Variants in ERBB4 observed in about 807,000 individuals in gnomAD.
ERBB4 encodes the protein receptor tyrosine-protein kinase erbB-4.
In ERBB4, 42 loss-of-function variants were observed where a neutral mutation model predicts 158.0. The ratio of observed to expected loss-of-function variants is 0.27; its 90% CI spans 0.21 to 0.34. The LOEUF (loss-of-function observed/expected upper bound fraction) is 0.34, where lower values mean the gene tolerates loss of function less well. Ranked by LOEUF, ERBB4 falls within the 10% of genes least tolerant of loss-of-function variation. The probability of loss-of-function intolerance (pLI) is 1.00; values close to 1 mark genes in which losing one functional copy is unlikely to be tolerated. For missense variants in ERBB4, 1,333 were observed against 1,624.1 expected (o/e 0.82, Z 3.08); for synonymous variants, 583 against 558.7 (o/e 1.04, Z -0.61).
intron 17 of ERBB4, among the ~76,000 whole-genome samples, chr2:211,629,509 C>A: frequency 6.6e-6 from 1 of 152,144 alleles, no homozygotes; most frequent in South Asian, 2.1e-4. Context: ...CCCCATCAAG[C>A]TACCAATGAC....
chr2:212,103,197 C>T lies in ERBB4; in HGVS notation c.234+21555G>A, dbSNP rs538218373. On this transcript the variant is annotated intron_variant, in intron 2 of 27. Transcript: ENST00000342788. Reference sequence around the variant, plus strand: ...CTCCTGCCCCAAAGAGTTACACATTCTGCTACTTTTGCTTGGGGCATTTGT... The same window carrying T: ...CTCCTGCCCCAAAGAGTTACACATTTTGCTACTTTTGCTTGGGGCATTTGT... Among the ~76,000 whole-genome samples, 551 of 152,196 alleles carry T rather than the reference C, an allele frequency of 3.6e-3. 3 individuals carry two copies. Among genetic ancestry groups the T allele is most frequent in the Non-Finnish European group, 5.0e-3 (340 of 67,974 alleles).
At chr2:211,634,028 A>G (rs1391264830) in intron 16 of ERBB4, among the ~76,000 whole-genome samples, 1 of 152,140 alleles carries the variant, frequency 6.6e-6, no homozygotes, top group Admixed American at 6.5e-5. Context: ...GCGTGGTGGC[A>G]TGCACCTGTA....
chr2:212,354,489 A>G (rs1301838374), intron 1 of ERBB4, among the ~76,000 whole-genome samples: 1 of 152,162 alleles, frequency 6.6e-6, no homozygotes, highest in Non-Finnish European at 1.5e-5. Flanking sequence ...TTTACATGCA[A>G]TACAAAGGTG....
At position 211,376,598 on chromosome 2, in the gene ERBB4, T is replaced by A. The variant is rs2062477419; in HGVS notation, c.*7017A>T. The stretch of plus-strand genomic sequence containing the variant: ...CTTACAAGTTAAGAAAATAAGGAAG[T>A]GAGTACAAATGTATACACCTTAAGC... On this transcript the variant is annotated 3_prime_UTR_variant, in exon 28 of 28. Coordinates refer to ENST00000342788, the MANE Select transcript of ERBB4 (RefSeq NM_005235.3). 4.3e-6 allele frequency: 1 copy of A among 232,724 alleles called. No homozygotes were observed. Among genetic ancestry groups the A allele is most frequent in the South Asian group, 1.8e-4 (1 of 5,524 alleles). 14.4% of individuals were successfully genotyped at this position (232,724 alleles called of 1,614,324 possible).
At chr2:212,025,214 T>C (rs968635685) in intron 2 of ERBB4, among the ~76,000 whole-genome samples, 3 of 151,766 alleles carry the variant, frequency 2.0e-5, no homozygotes, top group Non-Finnish European at 4.4e-5. Context: ...ATTGGTGCAC[T>C]TAGGAAATTC....
At position 212,174,010 on chromosome 2, in the gene ERBB4, C is replaced by T. The variant is rs575859851; in HGVS notation, c.83-49107G>A. Among the ~76,000 whole-genome samples, 13 of 152,206 alleles carry T rather than the reference C, an allele frequency of 8.5e-5. No individual in the cohort carries two copies. The East Asian group carries it at 2.5e-3, about 29-fold the overall frequency. On this transcript the variant is annotated intron_variant, in intron 1 of 27. Coordinates refer to ENST00000342788, the MANE Select transcript of ERBB4 (RefSeq NM_005235.3). The stretch of plus-strand genomic sequence containing the variant: ...ACTGTATAAACACACCTCAGGGCTG[C>T]TACTGTTCCCATTAACTGTCTGTCT...
chr2:212,057,105 CA>C (rs574949911), intron 2 of ERBB4, among the ~76,000 whole-genome samples: 3 of 151,378 alleles, frequency 2.0e-5, no homozygotes, highest in Non-Finnish European at 4.4e-5. Context: ...AAATGGAAAA[CA>C]AAAAAAAGGC....
chr2:211,440,686 C>G (rs547500644), intron 20 of ERBB4, among the ~76,000 whole-genome samples: 2 of 152,228 alleles, frequency 1.3e-5, no homozygotes, highest in South Asian at 4.2e-4. Flanking sequence ...AAAACTTCTG[C>G]CATCATATAG....
At position 211,996,264 on chromosome 2, in the gene ERBB4, TA is replaced by T. The variant is rs1214015579; in HGVS notation, c.235-48649del. Reference sequence around the variant, plus strand: ...TTTTCATAAAATTAAAAATTTGGTTTATTTTTTTTTTCAGATGGCAGAAACC... The same window carrying T: ...TTTTCATAAAATTAAAAATTTGGTTTTTTTTTTTTTCAGATGGCAGAAACC... On this transcript the variant is annotated intron_variant, in intron 2 of 27. Transcript: ENST00000342788. Among the ~76,000 whole-genome samples, 239 of 151,694 alleles carry T rather than the reference TA, an allele frequency of 1.6e-3. 1 individual carries two copies. Among genetic ancestry groups the T allele is most frequent in the East Asian group, 2.3e-3 (12 of 5,184 alleles).
chr2:212,267,683 T>G (rs2085195119), intron 1 of ERBB4, among the ~76,000 whole-genome samples: 2 of 151,238 alleles, frequency 1.3e-5, no homozygotes, highest in Admixed American at 6.6e-5. Context: ...TGTGCCATGC[T>G]GGTGTGATGC....
intron 3 of ERBB4, among the ~76,000 whole-genome samples, chr2:211,853,508 C>T (rs1036421668): frequency 1.3e-5 from 2 of 152,030 alleles, no homozygotes; most frequent in Non-Finnish European, 1.5e-5. Context: ...GTTAGGCACA[C>T]TAATTAGTTC....
At chr2:211,927,861 G>C (rs1376510227) in intron 3 of ERBB4, among the ~76,000 whole-genome samples, 1 of 151,868 alleles carries the variant, frequency 6.6e-6, no homozygotes, top group East Asian at 1.9e-4. Flanking sequence ...AATTAGCATA[G>C]CAAATGGCAA....
chr2:212,534,283 A>G (rs1482381), intron 1 of ERBB4, among the ~76,000 whole-genome samples: 18,770 of 152,252 alleles, frequency 0.12, 1,256 homozygotes, highest in Non-Finnish European at 0.15. Flanking sequence ...GCTCTAATCA[A>G]GCTTCCAAGA....
intron 25 of ERBB4, among the ~76,000 whole-genome samples, chr2:211,404,165 C>T (rs2063101239): frequency 6.6e-6 from 1 of 152,090 alleles, no homozygotes; most frequent in African/African-American, 2.4e-5. Flanking sequence ...GTTATTTTTG[C>T]AACTGCCCTA....
At chr2:212,389,329 A>G (rs2090779867) in intron 1 of ERBB4, among the ~76,000 whole-genome samples, 1 of 152,132 alleles carries the variant, frequency 6.6e-6, no homozygotes, top group Non-Finnish European at 1.5e-5. Flanking sequence ...ATACACATAT[A>G]GGCATGTTGT....
At chr2:211,557,136 T>C (rs796751548) in intron 20 of ERBB4, among the ~76,000 whole-genome samples, 3 of 152,042 alleles carry the variant, frequency 2.0e-5, no homozygotes, top group East Asian at 1.9e-4. Flanking sequence ...AAAGATTGCA[T>C]TGTAAAACCC....
chr2:211,681,569 T>C (rs1295262276), intron 12 of ERBB4, among the ~76,000 whole-genome samples: 2 of 152,236 alleles, frequency 1.3e-5, no homozygotes, highest in South Asian at 4.1e-4. Flanking sequence ...CTAATTTGAA[T>C]GTAGTAGTTC....
chr2:211,454,541 A>ATT (rs913846355), intron 20 of ERBB4, among the ~76,000 whole-genome samples: 1 of 152,146 alleles, frequency 6.6e-6, no homozygotes, highest in African/African-American at 2.4e-5. Flanking sequence ...GAGCAAATGC[A>ATT]TTTCTCTCTC....
chr2:211,412,424 T>C (rs545516422), intron 25 of ERBB4, among the ~76,000 whole-genome samples: 1 of 152,174 alleles, frequency 6.6e-6, no homozygotes, highest in African/African-American at 2.4e-5. Context: ...ATAATCAGCC[T>C]CCACAAAGAT....
Sources: allele counts gnomAD v4.1 joint callset (sites outside exome capture counted in the v4.1 genomes callset), GRCh38; gene constraint gnomAD v4.1.1; transcripts MANE v1.5; gene names NCBI Gene and HGNC (gene_info 2026-07-23, HGNC 2026-07-21).